The following RBM20 variants were observed in gnomAD, a reference collection of about 807,000 sequenced individuals.
RBM20 encodes RNA binding motif protein 20.
A neutral mutation model predicts 110.1 loss-of-function variants in RBM20; 51 were observed. The observed-to-expected ratio is 0.46, with a 90% CI of 0.37 to 0.59. The LOEUF (loss-of-function observed/expected upper bound fraction) is 0.59. Among genes scored for constraint, RBM20 ranks in the 20% least tolerant of loss-of-function variants. RBM20 has a pLI of 0.00. For synonymous variants in RBM20, 589 were observed against 618.2 expected (o/e 0.95, Z 0.70); for missense variants, 1,512 against 1,574.9 (o/e 0.96, Z 0.68).
At chr10:110,778,761 C>A (rs1481631802) in intron 1 of RBM20, among the ~76,000 whole-genome samples, 1 of 152,204 alleles carries the variant, frequency 6.6e-6, no homozygotes, top group African/African-American at 2.4e-5. Context: ...TGGTCTTAAC[C>A]AAAGATTCCC....
chr10:110,676,277 G>A (rs1168448398), intron 1 of RBM20, among the ~76,000 whole-genome samples: 1 of 152,188 alleles, frequency 6.6e-6, no homozygotes. Context: ...TCCTCGCTCT[G>A]CTGGTTCCCA....
rs1478823848 is a variant in RBM20 at position 110,797,548 on chromosome 10, G to A, written c.1568G>A (p.Cys523Tyr). Residue 523 changes from cysteine (C) to tyrosine (Y), a missense_variant, in exon 6 of 14, where the codon TGC becomes TAC. By Grantham distance (194) the Cys-to-Tyr change is radical. Around this residue, in one of 3 missense-constraint regions of RBM20, gnomAD observed 1,149 missense variants for 1,169.4 expected, o/e 0.98. Coordinates refer to ENST00000369519, the MANE Select transcript of RBM20 (RefSeq NM_001134363.3). ...RKGAGRVVHI[C>Y]NLPEGSCTEN... ...GGGGCTGGCCGTGTGGTGCACATCT[G>A]CAATCTCCCTGAAGGAAGCTGCACT... 1 of 1,551,600 alleles carries A rather than the reference G, an allele frequency of 6.4e-7. No homozygotes were observed. The highest frequency in any genetic ancestry group is 8.7e-7 in the Non-Finnish European group (1 of 1,146,960).
chr10:110,730,032 G>C (rs975960801), intron 1 of RBM20, among the ~76,000 whole-genome samples: 2 of 152,066 alleles, frequency 1.3e-5, no homozygotes, highest in Non-Finnish European at 2.9e-5. Flanking sequence ...TGGTTAGGCT[G>C]GTCTCAAACT....
chr10:110,800,364 C>T (rs150289254), intron 7 of RBM20, among the ~76,000 whole-genome samples: 2,341 of 152,338 alleles, frequency 0.015, 63 homozygotes, highest in African/African-American at 0.054. Flanking sequence ...TCCTTCTAAG[C>T]AGCCCTTGGC....
chr10:110,793,293 C>G (rs1844507748), intron 5 of RBM20, among the ~76,000 whole-genome samples: 1 of 152,176 alleles, frequency 6.6e-6, no homozygotes. Context: ...TCATTATTTA[C>G]TTCCACCCCA....
intron 13 of RBM20, 148 bp downstream of exon 13, chr10:110,831,330 C>G (rs1308804979): frequency 7.0e-6 from 5 of 714,338 alleles, no homozygotes; most frequent in Non-Finnish European, 1.1e-5. Context: ...CTTGCCATTC[C>G]CCAAGCACAC....
At chr10:110,718,162 C>T (rs1198537761) in intron 1 of RBM20, among the ~76,000 whole-genome samples, 1 of 152,210 alleles carries the variant, frequency 6.6e-6, no homozygotes, top group Admixed American at 6.5e-5. Context: ...GGACAGAAGC[C>T]AGCACTTCCC....
chr10:110,747,298 G>GA (rs1357620853), intron 1 of RBM20, among the ~76,000 whole-genome samples: 1 of 138,718 alleles, frequency 7.2e-6, no homozygotes, highest in African/African-American at 2.8e-5. Context: ...TCTTTTTTTG[G>GA]GGGGGGGGGT....
intron 1 of RBM20, among the ~76,000 whole-genome samples, chr10:110,686,070 C>T (rs890490352): frequency 6.6e-6 from 1 of 152,156 alleles, no homozygotes. Context: ...TTGACAAGTT[C>T]TTTAATCTCA....
At chr10:110,703,743 G>A (rs1030444654) in intron 1 of RBM20, among the ~76,000 whole-genome samples, 32 of 152,104 alleles carry the variant, frequency 2.1e-4, no homozygotes, top group African/African-American at 6.3e-4. Context: ...TCCACCTCCC[G>A]CCCTTTGACG....
At chr10:110,733,935 T>C (rs1262996941) in intron 1 of RBM20, among the ~76,000 whole-genome samples, 1 of 152,204 alleles carries the variant, frequency 6.6e-6, no homozygotes, top group Non-Finnish European at 1.5e-5. Flanking sequence ...GGTGTGATGT[T>C]TAATCATGCC....
At chr10:110,674,336 T>A (rs1862302345) in intron 1 of RBM20, among the ~76,000 whole-genome samples, 1 of 152,246 alleles carries the variant, frequency 6.6e-6, no homozygotes, top group Admixed American at 6.5e-5. Flanking sequence ...GGGGAATTGC[T>A]TACAACAGGG....
At chr10:110,709,901 C>A (rs7090826) in intron 1 of RBM20, among the ~76,000 whole-genome samples, 29,877 of 151,958 alleles carry the variant, frequency 0.2, 3,132 homozygotes, top group East Asian at 0.32. Context: ...TAAAGTTCAA[C>A]TAAAAAAGTC....
intron 7 of RBM20, among the ~76,000 whole-genome samples, chr10:110,808,100 G>A (rs865855844): frequency 2.6e-5 from 4 of 152,216 alleles, no homozygotes; most frequent in Middle Eastern, 3.2e-3. Flanking sequence ...TACAGTAGCC[G>A]GAGTTCATTG....
chr10:110,676,774 T>C (rs569375641), intron 1 of RBM20, among the ~76,000 whole-genome samples: 176 of 132,470 alleles, frequency 1.3e-3, no homozygotes, highest in South Asian at 3.3e-3. Flanking sequence ...TTGGCTTCTT[T>C]GGAAGCAACA....
chr10:110,698,061 AC>A (rs1862694254), intron 1 of RBM20, among the ~76,000 whole-genome samples: 1 of 151,448 alleles, frequency 6.6e-6, no homozygotes, highest in Admixed American at 6.6e-5. Context: ...GCGCCCACCA[AC>A]ACGCCCGGCT....
chr10:110,807,033 C>T (rs1241115492), intron 7 of RBM20, among the ~76,000 whole-genome samples: 1 of 152,244 alleles, frequency 6.6e-6, no homozygotes, highest in Non-Finnish European at 1.5e-5. Context: ...CCTAAAATAG[C>T]AGAACTGATG....
In RBM20 at chr10:110,812,427, A is replaced by G. The variant is rs1454126145; in HGVS notation, c.2030A>G (p.Glu677Gly). 1 of 1,551,682 alleles carries G rather than the reference A, an allele frequency of 6.4e-7. No homozygotes were observed. The highest frequency in any genetic ancestry group is 2.4e-5 in the East Asian group (1 of 40,914). The change falls in exon 9 of 14, where the codon GAG becomes GGG. Residue 677 changes from glutamate to glycine, a missense_variant. By Grantham distance (98) the Glu-to-Gly change is moderately conservative. Coordinates refer to ENST00000369519, the MANE Select transcript of RBM20 (RefSeq NM_001134363.3). ...ADWGNGRDSWEHSPYARREEE... is the reference protein window; with the variant it reads ...ADWGNGRDSWGHSPYARREEE... ...TGGGGCAATGGCCGGGACTCCTGGG[A>G]GCACTCTCCCTATGCCAGGAGGGAG...
At chr10:110,670,742 A>G (rs1862245019) in intron 1 of RBM20, among the ~76,000 whole-genome samples, 1 of 152,198 alleles carries the variant, frequency 6.6e-6, no homozygotes, top group Non-Finnish European at 1.5e-5. Context: ...AAATACTTTG[A>G]GATGTACTTC....
Sources: allele counts gnomAD v4.1 joint callset (sites outside exome capture counted in the v4.1 genomes callset), GRCh38; gene constraint gnomAD v4.1.1; regional missense constraint gnomAD v4.1.1; transcripts MANE v1.5; gene names NCBI Gene and HGNC (gene_info 2026-07-23, HGNC 2026-07-21).